Variants in ASH1L observed in about 807,000 individuals in gnomAD.
ASH1L encodes ASH1 like histone lysine methyltransferase.
A neutral mutation model predicts 269.0 loss-of-function variants in ASH1L; 23 were observed. The ratio of observed to expected loss-of-function variants is 0.09; its 90% CI spans 0.06 to 0.12. The LOEUF (loss-of-function observed/expected upper bound fraction) is 0.12. Ranked by LOEUF, ASH1L falls within the 10% of genes least tolerant of loss-of-function variation. ASH1L has a pLI of 1.00. For missense variants in ASH1L, 2,912 were observed against 3,567.8 expected (o/e 0.82, Z 4.68); for synonymous variants, 1,187 against 1,253.5 (o/e 0.95, Z 1.12).
chr1:155,503,814 T>C (rs1261026946), intron 2 of ASH1L, among the ~76,000 whole-genome samples: 1 of 152,160 alleles, frequency 6.6e-6, no homozygotes, highest in Non-Finnish European at 1.5e-5. Flanking sequence ...AGCCTCGACC[T>C]CCTGTGCTCA....
intron 3 of ASH1L, among the ~76,000 whole-genome samples, chr1:155,476,666 C>T (rs985206703): frequency 2.0e-5 from 3 of 151,686 alleles, no homozygotes; most frequent in Non-Finnish European, 4.4e-5. Flanking sequence ...ATTCTCCTGC[C>T]TCAGCCTCCC....
rs756861719 is a variant in ASH1L at position 155,562,102 on chromosome 1, T to A, written c.-100+51A>T. On this transcript the variant is annotated intron_variant, in intron 1 of 27. Coordinates refer to ENST00000392403, the MANE Select transcript of ASH1L (RefSeq NM_018489.3). ...GGCTCCCAGAAAGCCCAGGATTCAA[T>A]CGCTGAGAGAGTGCTTAGGCCCGAA... 1.4e-5 allele frequency: 17 copies of A among 1,216,908 alleles called. No individual in the cohort carries two copies. In the East Asian group the frequency reaches 3.8e-4, roughly 27 times the overall value. The allele number at this position is 1,216,908 out of a possible 1,614,324, so 75.4% of individuals were successfully genotyped here.
At chr1:155,544,443 C>G (rs1670653669) in intron 1 of ASH1L, among the ~76,000 whole-genome samples, 3 of 151,862 alleles carry the variant, frequency 2.0e-5, no homozygotes, top group Non-Finnish European at 4.4e-5. Flanking sequence ...CCTGCAACCA[C>G]GACCAGCCAA....
At chr1:155,415,520 G>T (rs1660138251) in intron 6 of ASH1L, among the ~76,000 whole-genome samples, 2 of 152,108 alleles carry the variant, frequency 1.3e-5, no homozygotes, top group African/African-American at 4.8e-5. Flanking sequence ...GTGAACACTG[G>T]TATTTGTGCA....
chr1:155,542,480 T>G (rs1267524831), intron 1 of ASH1L, among the ~76,000 whole-genome samples: 1 of 151,092 alleles, frequency 6.6e-6, no homozygotes, highest in Non-Finnish European at 1.5e-5. Context: ...ACCTGAGAGG[T>G]GGAGCTTGCA....
rs1221514832 is a variant in ASH1L, at chr1:155,338,213, T to C, written c.8679A>G (p.Lys2893=). Residue 2893 remains lysine, a synonymous_variant, in exon 27 of 28, where the codon AAA becomes AAG. Coordinates refer to ENST00000392403, the MANE Select transcript of ASH1L (RefSeq NM_018489.3). ...GATANVSEGE[K]KTEESSQEPQ... The stretch of plus-strand genomic sequence containing the variant: ...GTTCTTGACTACTTTCCTCTGTTTT[T>C]TTTTCACCCTCACTGACGTTAGCAG... 1 of 1,614,126 alleles carries C rather than the reference T, an allele frequency of 6.2e-7. No homozygotes were observed. The highest frequency in any genetic ancestry group is 8.5e-7 in the Non-Finnish European group (1 of 1,180,012).
intron 2 of ASH1L, among the ~76,000 whole-genome samples, chr1:155,494,415 T>C (rs552234448): frequency 3.3e-5 from 5 of 152,326 alleles, no homozygotes; most frequent in South Asian, 2.1e-4. Context: ...TGACCATTCA[T>C]TCAACAATAT....
intron 5 of ASH1L, among the ~76,000 whole-genome samples, chr1:155,434,503 TAAAA>T (rs777553969): frequency 1.3e-4 from 9 of 70,230 alleles, no homozygotes; most frequent in Non-Finnish European, 2.0e-4. Flanking sequence ...TGGGACACAG[TAAAA>T]AAAAAAAAAA....
intron 2 of ASH1L, among the ~76,000 whole-genome samples, chr1:155,511,828 G>A (rs113034695): frequency 1.6e-3 from 241 of 150,816 alleles, no homozygotes; most frequent in African/African-American, 5.7e-3. Context: ...TTTTCTTTTT[G>A]AGATGGAGTT....
chr1:155,444,656 C>A (rs533890297), intron 4 of ASH1L, among the ~76,000 whole-genome samples: 5 of 151,978 alleles, frequency 3.3e-5, no homozygotes, highest in Non-Finnish European at 7.4e-5. Context: ...CGCTTTATCA[C>A]CCAGGCCGGA....
intron 17 of ASH1L, among the ~76,000 whole-genome samples, chr1:155,351,301 G>A (rs1201329482): frequency 6.6e-6 from 1 of 150,382 alleles, no homozygotes; most frequent in African/African-American, 2.5e-5. Flanking sequence ...TGTAATCCCA[G>A]CACTTTGGGA....
At chr1:155,490,614 TCA>T (rs144278501) in intron 2 of ASH1L, among the ~76,000 whole-genome samples, 2,562 of 142,368 alleles carry the variant, frequency 0.018, 31 homozygotes, top group African/African-American at 0.034. Flanking sequence ...CCAGACTACG[TCA>T]CACACACACA....
chr1:155,378,766 C>A (rs1471934156), intron 8 of ASH1L, among the ~76,000 whole-genome samples: 3 of 152,096 alleles, frequency 2.0e-5, no homozygotes, highest in African/African-American at 7.2e-5. Flanking sequence ...AGAAGAAGCA[C>A]TAAATAGTTT....
intron 1 of ASH1L, among the ~76,000 whole-genome samples, chr1:155,560,543 G>A (rs1043960386): frequency 3.9e-5 from 6 of 151,952 alleles, no homozygotes; most frequent in African/African-American, 1.2e-4. Context: ...ATTCCACACC[G>A]CCTCCCTCAA....
At chr1:155,377,726 T>C (rs1295291806) in intron 10 of ASH1L, among the ~76,000 whole-genome samples, 1 of 152,150 alleles carries the variant, frequency 6.6e-6, no homozygotes, top group Non-Finnish European at 1.5e-5. Flanking sequence ...TCAGGTCTCA[T>C]AAATAGTAAA....
chr1:155,534,384 G>A (rs1669904131), intron 1 of ASH1L, among the ~76,000 whole-genome samples: 1 of 149,272 alleles, frequency 6.7e-6, no homozygotes, highest in African/African-American at 2.5e-5. Context: ...GAGAAAAACG[G>A]GTGGATTTAA....
intron 1 of ASH1L, among the ~76,000 whole-genome samples, chr1:155,558,046 G>A (rs1671715189): frequency 6.6e-6 from 1 of 152,326 alleles, no homozygotes; most frequent in East Asian, 1.9e-4. Flanking sequence ...TCTCCACTGT[G>A]TGCTTCCACA....
In ASH1L at chr1:155,478,871, G is replaced by A. The variant is rs1179995706; in HGVS notation, c.3999C>T (p.Phe1333=). ...NFNSFYTHPS[F]PLDPLHYIRK... is the part of the protein sequence containing the mutation. Reference sequence around the variant, plus strand: ...GAATGTAGTGCAAAGGGTCTAAGGGGAAAGAAGGATGTGTATAGAAACTAT... The same window carrying A: ...GAATGTAGTGCAAAGGGTCTAAGGGAAAAGAAGGATGTGTATAGAAACTAT... The change falls in exon 3 of 28, where the codon TTC becomes TTT. Residue 1333 remains phenylalanine (F), a synonymous_variant. Coordinates refer to ENST00000392403, the MANE Select transcript of ASH1L (RefSeq NM_018489.3). The surrounding 1 kb of genome is among the most constrained non-coding windows in gnomAD (Gnocchi z 4.6). 3 of 1,613,886 alleles carry A rather than the reference G, an allele frequency of 1.9e-6. No homozygotes were observed.
intron 2 of ASH1L, among the ~76,000 whole-genome samples, chr1:155,485,490 A>G (rs1242943026): frequency 6.6e-6 from 1 of 152,124 alleles, no homozygotes; most frequent in Non-Finnish European, 1.5e-5. Context: ...CCAGCAAAAG[A>G]AAGTGGTAAA....
Sources: allele counts gnomAD v4.1 joint callset (sites outside exome capture counted in the v4.1 genomes callset), GRCh38; gene constraint gnomAD v4.1.1; non-coding constraint Gnocchi (gnomAD v3.1); transcripts MANE v1.5; gene names NCBI Gene and HGNC (gene_info 2026-07-23, HGNC 2026-07-21).